Variants in COL23A1 observed in about 807,000 individuals in gnomAD.
COL23A1 encodes the protein collagen type XXIII alpha 1 chain, also known as collagen alpha-1(XXIII) chain.
Under a neutral mutation model 99.3 loss-of-function variants are expected in COL23A1, and 97 were observed. That is an observed-to-expected ratio of 0.98 (90% CI 0.83 to 1.16). The LOEUF (loss-of-function observed/expected upper bound fraction) is 1.16, where lower values mean the gene tolerates loss of function less well. COL23A1 is among the 50% of genes most tolerant of loss of function. COL23A1 has a pLI of 0.00. For missense variants in COL23A1, 762 were observed against 757.4 expected, an observed-to-expected ratio of 1.01 and a Z score of -0.07; for synonymous variants, 320 against 308.2, an observed-to-expected ratio of 1.04 and a Z score of -0.40.
In COL23A1 at chr5:178,294,524, G is replaced by C. The variant is rs1012000950; in HGVS notation, c.407-4155C>G. ...CGAGCTCCCTCCCCAAATCACTACC[G>C]AGCTCCTTCCCCAGTGCCCCACACC... On this transcript the variant is annotated intron_variant, in intron 3 of 28. Transcript: ENST00000390654. Among the ~76,000 whole-genome samples, 92 of 99,232 alleles carry C rather than the reference G, an allele frequency of 9.3e-4. 1 individual carries two copies. Among genetic ancestry groups the C allele is most frequent in the African/African-American group, 3.4e-3 (80 of 23,466 alleles). 65.1% of individuals were successfully genotyped at this position (99,232 alleles called of 152,430 possible).
rs1757102369 is a variant in COL23A1 at position 178,285,446 on chromosome 5, C to T, written c.441+2878G>A. Among the ~76,000 whole-genome samples, 3 of 152,330 alleles carry T rather than the reference C, an allele frequency of 2.0e-5. No homozygotes were observed. In the South Asian group the frequency reaches 6.2e-4, roughly 32 times the overall value. ...CAAAAAATGCTTTTTCTAAAACCGACCATTCTCAAAGGTGTTTTTCTTTCC... is the reference window on the plus strand; with the variant it reads ...CAAAAAATGCTTTTTCTAAAACCGATCATTCTCAAAGGTGTTTTTCTTTCC... On this transcript the variant is annotated intron_variant, in intron 5 of 28. Transcript: ENST00000390654.
At chr5:178,294,916 C>T (rs1434719861) in intron 3 of COL23A1, among the ~76,000 whole-genome samples, 1 of 152,120 alleles carries the variant, frequency 6.6e-6, no homozygotes, top group Non-Finnish European at 1.5e-5. Flanking sequence ...CCGAGGCAGG[C>T]GGATCACTTG....
chr5:178,246,069 C>T lies in COL23A1; in HGVS notation c.1414-101G>A, dbSNP rs115347019. ...TGTGGGTTGGCCACAGACATGGGGG[C>T]AAGGAGACCCACCAACCACGCAGGC... On this transcript the variant is annotated intron_variant, in intron 24 of 28. Transcript: ENST00000390654. 1.7e-3 allele frequency: 2,473 copies of T among 1,418,814 alleles called. 44 individuals are homozygous for T. In the African/African-American group the frequency reaches 0.028, roughly 16 times the overall value. 87.9% of individuals were successfully genotyped at this position (1,418,814 alleles called of 1,614,324 possible).
chr5:178,400,397 G>A (rs2127763510), intron 2 of COL23A1, among the ~76,000 whole-genome samples: 1 of 145,570 alleles, frequency 6.9e-6, no homozygotes, highest in South Asian at 2.2e-4. Flanking sequence ...AAGTCTACAT[G>A]GAATAAAATG....
At chr5:178,247,693 G>T in intron 21 of COL23A1, 82 bp downstream of exon 21, 1 of 1,550,202 alleles carries the variant, frequency 6.5e-7, no homozygotes, top group Non-Finnish European at 8.9e-7. Context: ...TCTCTCCTGG[G>T]TCATGGCTCT....
chr5:178,245,133 A>AT (rs1238759905), intron 25 of COL23A1, among the ~76,000 whole-genome samples: 133 of 142,032 alleles, frequency 9.4e-4, no homozygotes, highest in African/African-American at 3.2e-3. Flanking sequence ...CCATCCATCC[A>AT]CTCATCATCT....
At chr5:178,517,873 CTTTTTTTTTTTTTTTTTTTTTT>C (rs71577021) in intron 2 of COL23A1, among the ~76,000 whole-genome samples, 1 of 97,736 alleles carries the variant, frequency 1.0e-5, no homozygotes, top group Non-Finnish European at 1.9e-5. Context: ...AACAGCGGTT[CTTTTTTTTTTTTTTTTTTTTTT>C]TTTTTTTAAT....
At chr5:178,411,536 GA>G (rs1413106072) in intron 2 of COL23A1, among the ~76,000 whole-genome samples, 4 of 150,546 alleles carry the variant, frequency 2.7e-5, no homozygotes, top group African/African-American at 9.9e-5. Flanking sequence ...AAGTAATCCA[GA>G]CAAAAGGTGT....
chr5:178,273,355 G>A (rs1316471027), intron 5 of COL23A1, among the ~76,000 whole-genome samples: 2 of 152,182 alleles, frequency 1.3e-5, no homozygotes, highest in Non-Finnish European at 2.9e-5. Flanking sequence ...GACTGTTCCT[G>A]GGGGGTCACT....
At chr5:178,242,223 C>A (rs1764442326) in intron 26 of COL23A1, 95 bp from the exon 27 acceptor site, 2 of 1,460,698 alleles carry the variant, frequency 1.4e-6, no homozygotes, top group Admixed American at 3.9e-5. Context: ...CCAGCCTCCC[C>A]CTGCCTCCGC....
intron 12 of COL23A1, among the ~76,000 whole-genome samples, 163 bp from the exon 13 acceptor site, chr5:178,257,730 TG>T (rs554190079): frequency 4.5e-4 from 68 of 152,314 alleles, no homozygotes; most frequent in African/African-American, 1.5e-3. Context: ...AGGGCAGGTG[TG>T]GGGTCAGACC....
At chr5:178,455,217 A>C (rs1767705258) in intron 2 of COL23A1, among the ~76,000 whole-genome samples, 1 of 152,244 alleles carries the variant, frequency 6.6e-6, no homozygotes, top group South Asian at 2.1e-4. Context: ...ACCACTGAGC[A>C]GTCGCTGACT....
intron 2 of COL23A1, among the ~76,000 whole-genome samples, chr5:178,312,392 CG>C (rs1758745233): frequency 6.6e-6 from 1 of 152,196 alleles, no homozygotes; most frequent in African/African-American, 2.4e-5. Context: ...GGGAGGCCTA[CG>C]GCTTTCTCAG....
At chr5:178,262,399 C>G in intron 9 of COL23A1, 147 bp from the exon 10 acceptor site, 1 of 722,046 alleles carries the variant, frequency 1.4e-6, no homozygotes, top group Non-Finnish European at 2.3e-6. Flanking sequence ...ATCACTGTCC[C>G]CACTCCACAG....
Position 178,492,002 on chromosome 5 carries a change from T to C in COL23A1, c.361+68680A>G, listed in dbSNP as rs1757959731. Among the ~76,000 whole-genome samples, 3 of 152,180 alleles carry C rather than the reference T, an allele frequency of 2.0e-5. No homozygotes were observed. In the South Asian group the frequency reaches 6.2e-4, roughly 32 times the overall value. ...CACCTGCCTCGGCCCCCCAAAGTAC[T>C]GGGATTACAGGCATGAGCCACCACA... is the stretch of plus-strand genomic sequence containing the variant. On this transcript the variant is annotated intron_variant, in intron 2 of 28. Coordinates refer to ENST00000390654, the MANE Select transcript of COL23A1 (RefSeq NM_173465.4).
At chr5:178,414,388 T>C (rs1013489718) in intron 2 of COL23A1, among the ~76,000 whole-genome samples, 2 of 146,992 alleles carry the variant, frequency 1.4e-5, no homozygotes, top group African/African-American at 5.2e-5. Context: ...GGCTCTGGCA[T>C]TAACTACAAA....
At chr5:178,385,800 T>A (rs1561926317) in intron 2 of COL23A1, among the ~76,000 whole-genome samples, 1 of 152,346 alleles carries the variant, frequency 6.6e-6, no homozygotes, top group East Asian at 1.9e-4. Context: ...TTCAAAGGCA[T>A]CTGATAATAA....
intron 2 of COL23A1, among the ~76,000 whole-genome samples, chr5:178,548,396 G>A (rs1761825782): frequency 6.6e-6 from 1 of 151,886 alleles, no homozygotes; most frequent in Non-Finnish European, 1.5e-5. Context: ...TCTCATCCTG[G>A]CAAGTGGCAC....
intron 1 of COL23A1, among the ~76,000 whole-genome samples, chr5:178,575,941 C>T (rs1763329607): frequency 6.6e-6 from 1 of 152,196 alleles, no homozygotes; most frequent in African/African-American, 2.4e-5. Flanking sequence ...ATCTTCCAAG[C>T]GAGCAAGTCA....
Sources: gnomAD v4.1 joint callset for allele counts (sites outside exome capture counted in the v4.1 genomes callset) on GRCh38, gnomAD v4.1.1 for gene constraint, MANE v1.5 for transcripts, NCBI Gene and HGNC (gene_info 2026-07-23, HGNC 2026-07-21) for gene names.